SMYD3: variants seen among roughly 807,000 people sequenced by gnomAD.
SMYD3 encodes histone-lysine N-methyltransferase SMYD3.
In SMYD3, 36 loss-of-function variants were observed where a neutral mutation model predicts 57.7. The observed-to-expected ratio is 0.62, with a 90% CI of 0.48 to 0.82. SMYD3 has a LOEUF of 0.82. Ranked by LOEUF, SMYD3 falls within the 40% of genes least tolerant of loss-of-function variation. The probability of loss-of-function intolerance (pLI) is 0.00; values close to 1 mark genes in which losing one functional copy is unlikely to be tolerated. For missense variants in SMYD3, 515 were observed against 538.8 expected (o/e 0.96, Z 0.44); for synonymous variants, 211 against 195.0 (o/e 1.08, Z -0.68).
At chr1:245,774,850 A>G (rs905696132) in intron 10 of SMYD3, among the ~76,000 whole-genome samples, 109 of 151,884 alleles carry the variant, frequency 7.2e-4, no homozygotes, top group Middle Eastern at 6.8e-3. Context: ...GCAGGGGTGC[A>G]CCGCCACGCC....
intron 1 of SMYD3, among the ~76,000 whole-genome samples, chr1:246,403,541 G>A (rs2066809625): frequency 6.6e-6 from 1 of 151,972 alleles, no homozygotes; most frequent in Non-Finnish European, 1.5e-5. Context: ...ATCTCCTCTG[G>A]TCTCTCCTTC....
intron 5 of SMYD3, among the ~76,000 whole-genome samples, chr1:246,018,271 C>T (rs993719895): frequency 6.6e-6 from 1 of 152,174 alleles, no homozygotes; most frequent in Non-Finnish European, 1.5e-5. Context: ...AGTTCCTTCC[C>T]TTTCCAAAAC....
intron 1 of SMYD3, among the ~76,000 whole-genome samples, chr1:246,439,105 C>G (rs1475558561): frequency 3.2e-5 from 4 of 125,212 alleles, no homozygotes; most frequent in East Asian, 2.7e-4. Context: ...TTGTTATTTT[C>G]GGGGGGGGGG....
At chr1:246,419,338 T>C (rs2067107707) in intron 1 of SMYD3, among the ~76,000 whole-genome samples, 1 of 152,236 alleles carries the variant, frequency 6.6e-6, no homozygotes, top group Non-Finnish European at 1.5e-5. Context: ...TGGTGGTCTC[T>C]TCACATGGAC....
chr1:246,204,824 A>G (rs1234655837), intron 5 of SMYD3, among the ~76,000 whole-genome samples: 2 of 152,260 alleles, frequency 1.3e-5, no homozygotes, highest in African/African-American at 2.4e-5. Context: ...AAAATAGGTG[A>G]TTAATGTTCA....
Position 246,330,526 on chromosome 1 carries a change from T to C in SMYD3, c.348A>G (p.Ala116=). The C allele has an allele frequency of 1.9e-6, 3 of 1,594,420 alleles. No individual in the cohort carries two copies. Among genetic ancestry groups the C allele is most frequent in the Non-Finnish European group, 2.6e-6 (3 of 1,171,698 alleles). ...AGTAAAGCTTCTCTGATTCTGAAGG[T>C]GCTCCATCCATCTGTGAAGGAAAAG... ...GRVVFKLMDG[A]PSESEKLYSF... is the part of the protein sequence containing the mutation. Residue 116 remains alanine, a synonymous_variant, in exon 4 of 12, where the codon GCA becomes GCG. Coordinates refer to ENST00000490107, the MANE Select transcript of SMYD3 (RefSeq NM_001167740.2).
In SMYD3 at chr1:245,840,774, C is replaced by T. The variant is rs143028339; in HGVS notation, c.1076+17722G>A. On this transcript the variant is annotated intron_variant, in intron 10 of 11. Coordinates refer to ENST00000490107, the MANE Select transcript of SMYD3 (RefSeq NM_001167740.2). ...TTAAAAAAAAAAAACAAAGTTGCAG[C>T]TAAGGAGCAGGTCTGAAAGGAAAAG... Among the ~76,000 whole-genome samples the T allele has an allele frequency of 1.5e-4, 22 of 151,484 alleles. No homozygotes were observed. The East Asian group carries it at 3.5e-3, about 24-fold the overall frequency.
chr1:246,430,963 A>G (rs528601227), intron 1 of SMYD3, among the ~76,000 whole-genome samples: 1 of 152,330 alleles, frequency 6.6e-6, no homozygotes, highest in East Asian at 1.9e-4. Flanking sequence ...GACCAGTTTC[A>G]CAGCAAGATA....
intron 5 of SMYD3, among the ~76,000 whole-genome samples, chr1:246,011,266 C>T (rs1419070759): frequency 1.3e-5 from 2 of 152,172 alleles, no homozygotes; most frequent in African/African-American, 4.8e-5. Flanking sequence ...CACCTTCCTC[C>T]TCTCTGGGAC....
At chr1:246,496,805 A>G (rs1374559225) in intron 1 of SMYD3, among the ~76,000 whole-genome samples, 1 of 152,222 alleles carries the variant, frequency 6.6e-6, no homozygotes, top group Non-Finnish European at 1.5e-5. Flanking sequence ...AGCCTGGGTG[A>G]CAGAGTGAGA....
At chr1:246,228,714 A>G (rs537717228) in intron 5 of SMYD3, among the ~76,000 whole-genome samples, 279 of 152,316 alleles carry the variant, frequency 1.8e-3, no homozygotes, top group African/African-American at 6.4e-3. Context: ...TCCTTTCTGT[A>G]TAAGTTTCTC....
intron 5 of SMYD3, among the ~76,000 whole-genome samples, chr1:246,011,105 T>C (rs72770831): frequency 6.6e-6 from 1 of 152,256 alleles, no homozygotes; most frequent in Non-Finnish European, 1.5e-5. Context: ...AATGGTGTAT[T>C]AGCAAGATAA....
At chr1:246,432,622 T>C (rs1386125449) in intron 1 of SMYD3, among the ~76,000 whole-genome samples, 2 of 152,250 alleles carry the variant, frequency 1.3e-5, no homozygotes, top group Non-Finnish European at 2.9e-5. Flanking sequence ...ACTGGAAGAC[T>C]TCTCTGTGTA....
rs192125596 is a variant in SMYD3, at chr1:246,412,622, G to A, written c.165-57528C>T. 1.8e-3 allele frequency among the ~76,000 whole-genome samples: 274 copies of A among 152,092 alleles called. 1 individual carries two copies. Among genetic ancestry groups the A allele is most frequent in the Non-Finnish European group, 2.8e-3 (190 of 68,000 alleles). Reference sequence around the variant, plus strand: ...AAGAAGTGGAGAGACACTTTGGGCAGCCGAGGCAGGCGGATCATGAGGTCA... The same window carrying A: ...AAGAAGTGGAGAGACACTTTGGGCAACCGAGGCAGGCGGATCATGAGGTCA... On this transcript the variant is annotated intron_variant, in intron 1 of 11. Transcript: ENST00000490107.
At chr1:246,453,368 CATT>C (rs1168543809) in intron 1 of SMYD3, among the ~76,000 whole-genome samples, 1 of 152,162 alleles carries the variant, frequency 6.6e-6, no homozygotes, top group African/African-American at 2.4e-5. Flanking sequence ...AAAGTTGAAA[CATT>C]GTTATAAGTG....
intron 1 of SMYD3, among the ~76,000 whole-genome samples, chr1:246,500,098 G>A (rs2068434594): frequency 6.6e-6 from 1 of 152,074 alleles, no homozygotes; most frequent in South Asian, 2.1e-4. Flanking sequence ...CTGCTCCTTG[G>A]GAAACTGGTT....
chr1:246,350,193 T>C (rs974314826), intron 2 of SMYD3, among the ~76,000 whole-genome samples: 1 of 152,170 alleles, frequency 6.6e-6, no homozygotes, highest in Non-Finnish European at 1.5e-5. Context: ...CACAGGTGAG[T>C]TTGTGCTCAC....
chr1:246,274,749 CAA>C lies in SMYD3; in HGVS notation c.531+52450_531+52451del, dbSNP rs2064297199. Among the ~76,000 whole-genome samples the C allele has an allele frequency of 3.3e-5, 5 of 152,174 alleles. No individual in the cohort carries two copies. The South Asian group carries it at 8.3e-4, about 25-fold the overall frequency. On this transcript the variant is annotated intron_variant, in intron 5 of 11. Coordinates refer to ENST00000490107, the MANE Select transcript of SMYD3 (RefSeq NM_001167740.2). ...TATGACAAAAAGCACCTTTCTCTGA[CAA>C]GAGAGAGCCAGTAATTAAGGTCTCA...
At chr1:245,938,437 G>A (rs894545990) in intron 5 of SMYD3, among the ~76,000 whole-genome samples, 7 of 152,196 alleles carry the variant, frequency 4.6e-5, no homozygotes, top group Non-Finnish European at 7.3e-5. Context: ...CAGATCAGAC[G>A]AGAGAGAGTC....
Sources: gnomAD v4.1 joint callset for allele counts (sites outside exome capture counted in the v4.1 genomes callset) on GRCh38, gnomAD v4.1.1 for gene constraint, MANE v1.5 for transcripts, NCBI Gene and HGNC (gene_info 2026-07-23, HGNC 2026-07-21) for gene names.